TLK1: variants seen among roughly 807,000 people sequenced by gnomAD.
TLK1 encodes serine/threonine-protein kinase tousled-like 1.
Under a neutral mutation model 105.3 loss-of-function variants are expected in TLK1, and 24 were observed. The ratio of observed to expected loss-of-function variants is 0.23; its 90% CI spans 0.17 to 0.32. The LOEUF is 0.32. TLK1 is among the 10% of genes least tolerant of loss of function. TLK1 has a pLI of 1.00. For missense variants in TLK1, 558 were observed against 910.5 expected (o/e 0.61, Z 4.98); for synonymous variants, 321 against 310.4 (o/e 1.03, Z -0.36).
chr2:171,200,071 T>C (rs1459796128), intron 1 of TLK1, among the ~76,000 whole-genome samples: 1 of 152,122 alleles, frequency 6.6e-6, no homozygotes, highest in Non-Finnish European at 1.5e-5. Flanking sequence ...AGCAAGAGTT[T>C]TTTCCCCTGA....
At chr2:171,010,750 A>G (rs1382049255) in intron 14 of TLK1, among the ~76,000 whole-genome samples, 1 of 152,196 alleles carries the variant, frequency 6.6e-6, no homozygotes, top group Non-Finnish European at 1.5e-5. Flanking sequence ...AGGACATGTT[A>G]ATACTTCAGA....
chr2:171,003,090 C>A (rs536281980), intron 18 of TLK1, among the ~76,000 whole-genome samples: 3 of 151,590 alleles, frequency 2.0e-5, no homozygotes, highest in African/African-American at 4.8e-5. Context: ...CTGGCTAACA[C>A]GGTGAAACCC....
intron 1 of TLK1, among the ~76,000 whole-genome samples, chr2:171,132,622 C>A (rs1691149446): frequency 6.6e-6 from 1 of 152,182 alleles, no homozygotes; most frequent in Admixed American, 6.5e-5. Context: ...GGGACACTTA[C>A]ACTTTTGTGT....
intron 1 of TLK1, among the ~76,000 whole-genome samples, chr2:171,171,173 T>C (rs1188929892): frequency 6.6e-6 from 1 of 152,158 alleles, no homozygotes; most frequent in African/African-American, 2.4e-5. Context: ...AATATTAAGA[T>C]AAAGAACTTC....
At chr2:171,079,202 CCTT>C (rs1316455190) in intron 3 of TLK1, among the ~76,000 whole-genome samples, 1 of 152,190 alleles carries the variant, frequency 6.6e-6, no homozygotes, top group African/African-American at 2.4e-5. Context: ...CCTCTGTATA[CCTT>C]CTTTTCATAC....
At chr2:171,147,273 G>C (rs1288090912) in intron 1 of TLK1, among the ~76,000 whole-genome samples, 1 of 152,168 alleles carries the variant, frequency 6.6e-6, no homozygotes. Flanking sequence ...AAACTCTATA[G>C]CTCTGACAAC....
chr2:171,032,877 A>T (rs1686111410), intron 11 of TLK1, among the ~76,000 whole-genome samples: 1 of 152,188 alleles, frequency 6.6e-6, no homozygotes, highest in Non-Finnish European at 1.5e-5. Flanking sequence ...CTAAAAATGA[A>T]TGAATGACCT....
chr2:171,118,589 AC>A (rs1690529444), intron 1 of TLK1, among the ~76,000 whole-genome samples: 2 of 152,152 alleles, frequency 1.3e-5, no homozygotes, highest in Non-Finnish European at 2.9e-5. Flanking sequence ...AAAATTTAAC[AC>A]CCTGATGTTA....
At chr2:171,059,369 G>GT (rs1687640392) in intron 4 of TLK1, among the ~76,000 whole-genome samples, 1 of 152,158 alleles carries the variant, frequency 6.6e-6, no homozygotes, top group Non-Finnish European at 1.5e-5. Flanking sequence ...CATGGCACAT[G>GT]TAACTTCAGA....
intron 11 of TLK1, among the ~76,000 whole-genome samples, chr2:171,042,853 T>C (rs1319570400): frequency 6.6e-6 from 1 of 151,990 alleles, no homozygotes; most frequent in Non-Finnish European, 1.5e-5. Flanking sequence ...ACAGTCCATT[T>C]AGAGAATTGA....
intron 1 of TLK1, among the ~76,000 whole-genome samples, chr2:171,230,392 G>A (rs959209300): frequency 1.3e-5 from 2 of 152,144 alleles, no homozygotes; most frequent in African/African-American, 4.8e-5. Flanking sequence ...AGACTTTTAA[G>A]ACTTGCTTAA....
At chr2:171,068,875 T>C (rs974421819) in intron 3 of TLK1, among the ~76,000 whole-genome samples, 1 of 152,342 alleles carries the variant, frequency 6.6e-6, no homozygotes, top group Middle Eastern at 3.4e-3. Flanking sequence ...CTCAGTTATT[T>C]TAGAAAAATG....
chr2:171,151,686 A>G lies in TLK1; in HGVS notation c.139+8604T>C, dbSNP rs996103548. On this transcript the variant is annotated intron_variant, in intron 1 of 20. Coordinates refer to ENST00000431350, the MANE Select transcript of TLK1 (RefSeq NM_012290.5). ...GAGACAGGGTTTCACCGTGTTAGCC[A>G]GGATGGTCTCGATCTCCTGACCTCG... Among the ~76,000 whole-genome samples the G allele has an allele frequency of 8.6e-5, 13 of 151,392 alleles. No individual in the cohort carries two copies. In the South Asian group the frequency reaches 1.5e-3, roughly 17 times the overall value.
intron 1 of TLK1, among the ~76,000 whole-genome samples, chr2:171,154,132 T>G (rs1212475317): frequency 1.3e-5 from 2 of 151,666 alleles, no homozygotes; most frequent in Admixed American, 1.3e-4. Context: ...CAAGCAATCC[T>G]CTTGCCTTGG....
chr2:171,220,974 C>A (rs1693799714), intron 1 of TLK1, among the ~76,000 whole-genome samples: 1 of 151,940 alleles, frequency 6.6e-6, no homozygotes, highest in Non-Finnish European at 1.5e-5. Context: ...TCGCTTGAGC[C>A]CAGGAGTTTG....
intron 1 of TLK1, among the ~76,000 whole-genome samples, chr2:171,209,241 T>G (rs1693564041): frequency 6.6e-6 from 1 of 152,180 alleles, no homozygotes; most frequent in Non-Finnish European, 1.5e-5. Flanking sequence ...CACAAGAAAC[T>G]AATAAAAGGG....
At chr2:171,088,391 C>T (rs1317966116) in intron 2 of TLK1, among the ~76,000 whole-genome samples, 1 of 152,140 alleles carries the variant, frequency 6.6e-6, no homozygotes, top group Non-Finnish European at 1.5e-5. Context: ...TACACAGTTT[C>T]CAGTAAGTGT....
At chr2:171,076,735 TAAAAA>T (rs35081277) in intron 3 of TLK1, among the ~76,000 whole-genome samples, 1 of 125,072 alleles carries the variant, frequency 8.0e-6, no homozygotes, top group Admixed American at 8.3e-5. Context: ...CCATCTCTAC[TAAAAA>T]AAAAAAAAAA....
At chr2:171,089,101 C>T (rs112131222) in intron 2 of TLK1, among the ~76,000 whole-genome samples, 2 of 152,156 alleles carry the variant, frequency 1.3e-5, no homozygotes, top group African/African-American at 4.8e-5. Context: ...AGGCTGATCT[C>T]GAACTCCTGG....
Sources: gnomAD v4.1 joint callset for allele counts (sites outside exome capture counted in the v4.1 genomes callset) on GRCh38, gnomAD v4.1.1 for gene constraint, MANE v1.5 for transcripts, NCBI Gene and HGNC (gene_info 2026-07-23, HGNC 2026-07-21) for gene names.